CAST: variants seen among roughly 807,000 people sequenced by gnomAD.
The protein encoded by CAST is calpastatin, also known as MIR583 host.
CAST carries 76 observed loss-of-function variants against 119.6 expected under a neutral mutation model. The ratio of observed to expected loss-of-function variants is 0.64; its 90% CI spans 0.53 to 0.77. The LOEUF (loss-of-function observed/expected upper bound fraction) is 0.77, where lower values mean the gene tolerates loss of function less well. Ranked by LOEUF, CAST falls within the 30% of genes least tolerant of loss-of-function variation. The pLI, the probability that CAST is intolerant of heterozygous loss-of-function variation, is 0.00. For missense variants in CAST, 953 were observed against 946.5 expected (o/e 1.01, Z -0.09); for synonymous variants, 319 against 331.6 (o/e 0.96, Z 0.41).
chr5:96,213,493 A>T, the CAST span: 1 of 152,158 alleles, frequency 6.6e-6, no homozygotes, highest in Non-Finnish European at 1.5e-5. Flanking sequence ...CTGATATTAA[A>T]AACATTGGAC....
the CAST span, among the ~76,000 whole-genome samples, chr5:96,207,846 T>G: frequency 3.5e-3 from 540 of 152,150 alleles, 2 homozygotes; most frequent in African/African-American, 0.013. Flanking sequence ...CTTTTCAACT[T>G]TTTGGAAAAG....
the CAST span, among the ~76,000 whole-genome samples, chr5:96,368,185 A>C: frequency 8.0e-5 from 12 of 150,392 alleles, no homozygotes; most frequent in Non-Finnish European, 1.6e-4. Flanking sequence ...CTAATTACCA[A>C]TTTTTAAAAA....
At chr5:96,112,669 T>G in the CAST span, among the ~76,000 whole-genome samples, 9 of 152,296 alleles carry the variant, frequency 5.9e-5, no homozygotes, top group African/African-American at 2.2e-4. Context: ...ATAAACCCAT[T>G]GTTAAGTTGA....
At chr5:96,340,367 A>C in the CAST span, among the ~76,000 whole-genome samples, 41 of 145,078 alleles carry the variant, frequency 2.8e-4, no homozygotes, top group African/African-American at 9.8e-4. Flanking sequence ...CTCTCCCCCT[A>C]CCCTCCCCAC....
chr5:96,572,416 G>T (rs1746588061), intron 1 of CAST, among the ~76,000 whole-genome samples: 1 of 152,140 alleles, frequency 6.6e-6, no homozygotes, highest in African/African-American at 2.4e-5. Context: ...GGCCAGGCTG[G>T]TCTCGAACTC....
the CAST span, among the ~76,000 whole-genome samples, chr5:96,168,542 G>A: frequency 2.0e-5 from 3 of 152,176 alleles, no homozygotes; most frequent in South Asian, 2.1e-4. Flanking sequence ...GTGGAGCGGG[G>A]CAGAGCGGTA....
At chr5:96,391,969 A>G in the CAST span, 1 of 152,348 alleles carries the variant, frequency 6.6e-6, no homozygotes, top group African/African-American at 2.4e-5. Context: ...AACTTTTAGT[A>G]TCAAGGAATA....
chr5:96,105,782 A>G, the CAST span, among the ~76,000 whole-genome samples: 1 of 152,058 alleles, frequency 6.6e-6, no homozygotes, highest in Non-Finnish European at 1.5e-5. Context: ...CTCTTTTTGT[A>G]TTGATTGGAA....
At chr5:96,229,807 A>G in the CAST span, among the ~76,000 whole-genome samples, 2 of 152,204 alleles carry the variant, frequency 1.3e-5, no homozygotes, top group African/African-American at 4.8e-5. Context: ...AAAAAATTCA[A>G]AATCCCTATG....
At chr5:96,273,528 C>G in the CAST span, among the ~76,000 whole-genome samples, 1 of 152,176 alleles carries the variant, frequency 6.6e-6, no homozygotes, top group Non-Finnish European at 1.5e-5. Flanking sequence ...CGATGAATGA[C>G]AAAGGTATAT....
chr5:96,248,968 G>A, the CAST span, among the ~76,000 whole-genome samples: 1 of 152,062 alleles, frequency 6.6e-6, no homozygotes, highest in African/African-American at 2.4e-5. Context: ...CTTCTGTTGG[G>A]GCTTCTCTAC....
the CAST span, among the ~76,000 whole-genome samples, chr5:96,253,073 A>G: frequency 6.6e-6 from 1 of 152,108 alleles, no homozygotes; most frequent in Admixed American, 6.6e-5. Flanking sequence ...ATACTTTTTT[A>G]AAAAAATAAC....
At chr5:96,449,228 A>G in the CAST span, among the ~76,000 whole-genome samples, 1 of 152,200 alleles carries the variant, frequency 6.6e-6, no homozygotes, top group Non-Finnish European at 1.5e-5. Flanking sequence ...CTGTATAGAC[A>G]CATACTCAGT....
chr5:96,704,849 T>TA (rs1332349498), intron 3 of CAST, among the ~76,000 whole-genome samples: 1 of 152,222 alleles, frequency 6.6e-6, no homozygotes, highest in Non-Finnish European at 1.5e-5. Context: ...GCTCTTGACT[T>TA]AAAAATGTCA....
At chr5:96,399,712 G>T in the CAST span, among the ~76,000 whole-genome samples, 2 of 152,162 alleles carry the variant, frequency 1.3e-5, no homozygotes, top group Non-Finnish European at 1.5e-5. Flanking sequence ...AAACAATGGT[G>T]CATCTTAGAC....
intron 4 of CAST, among the ~76,000 whole-genome samples, chr5:96,724,837 A>G (rs1252095681): frequency 6.6e-6 from 1 of 152,110 alleles, no homozygotes; most frequent in African/African-American, 2.4e-5. Context: ...ATAAATAAAT[A>G]AATAAATAAA....
At chr5:96,272,707 T>C in the CAST span, among the ~76,000 whole-genome samples, 1 of 152,160 alleles carries the variant, frequency 6.6e-6, no homozygotes, top group Non-Finnish European at 1.5e-5. Context: ...GACTATAGTT[T>C]ATAATATTCT....
At chr5:96,372,310 GT>G in the CAST span, among the ~76,000 whole-genome samples, 2 of 152,038 alleles carry the variant, frequency 1.3e-5, no homozygotes, top group Non-Finnish European at 2.9e-5. Flanking sequence ...TCCTTTATTT[GT>G]TTTTCTTTTG....
intron 1 of CAST, among the ~76,000 whole-genome samples, chr5:96,616,753 T>TATATACACAC (rs1167637550): frequency 0.014 from 1,875 of 130,758 alleles, 15 homozygotes; most frequent in African/African-American, 0.02. Context: ...TCTATATATA[T>TATATACACAC]ACACACACAC....
Sources: allele counts gnomAD v4.1 joint callset (sites outside exome capture counted in the v4.1 genomes callset), GRCh38; gene constraint gnomAD v4.1.1; transcripts MANE v1.5; gene names NCBI Gene and HGNC (gene_info 2026-07-23, HGNC 2026-07-21).